Variants in TMEM178B observed in about 807,000 individuals in gnomAD.
The protein encoded by TMEM178B is transmembrane protein 178B.
TMEM178B carries 5 observed loss-of-function variants against 31.0 expected under a neutral mutation model. The ratio of observed to expected loss-of-function variants is 0.16; its 90% CI spans 0.08 to 0.34. TMEM178B has a LOEUF of 0.34. TMEM178B is among the 10% of genes least tolerant of loss of function. The probability of loss-of-function intolerance (pLI) is 1.00; values close to 1 mark genes in which losing one functional copy is unlikely to be tolerated. For missense variants in TMEM178B, 275 were observed against 400.3 expected (o/e 0.69, Z 2.67); for synonymous variants, 164 against 164.0 (o/e 1.00, Z 0.00).
intron 2 of TMEM178B, among the ~76,000 whole-genome samples, chr7:141,231,379 CA>C (rs1269377974): frequency 6.6e-6 from 1 of 151,284 alleles, no homozygotes; most frequent in East Asian, 1.9e-4. Flanking sequence ...GCAATTTGTA[CA>C]AAAATGTAAT....
intron 2 of TMEM178B, among the ~76,000 whole-genome samples, chr7:141,272,920 C>T (rs1304330529): frequency 6.6e-6 from 1 of 152,184 alleles, no homozygotes; most frequent in Non-Finnish European, 1.5e-5. Context: ...ATCCACACTT[C>T]CATTTTTATT....
intron 2 of TMEM178B, among the ~76,000 whole-genome samples, chr7:141,290,974 T>A (rs557359589): frequency 3.1e-4 from 47 of 152,310 alleles, no homozygotes; most frequent in African/African-American, 1.1e-3. Context: ...GCTGGCTGGC[T>A]CTTCCTTGAT....
At chr7:141,448,557 C>A (rs1801803617) in intron 3 of TMEM178B, among the ~76,000 whole-genome samples, 1 of 152,124 alleles carries the variant, frequency 6.6e-6, no homozygotes, top group South Asian at 2.1e-4. Context: ...CAGGACAGTC[C>A]CAGAAGTGTA....
intron 2 of TMEM178B, among the ~76,000 whole-genome samples, chr7:141,275,689 A>G (rs1200985593): frequency 1.3e-5 from 2 of 151,748 alleles, no homozygotes; most frequent in Non-Finnish European, 2.9e-5. Context: ...CCTTCTGGAT[A>G]TAAGACTATG....
intron 1 of TMEM178B, among the ~76,000 whole-genome samples, chr7:141,129,584 A>G (rs924201183): frequency 6.6e-6 from 1 of 152,144 alleles, no homozygotes; most frequent in South Asian, 2.1e-4. Flanking sequence ...TTCTATTATC[A>G]TAGGTTGGTT....
At chr7:141,323,620 T>G (rs1799138646) in intron 2 of TMEM178B, among the ~76,000 whole-genome samples, 1 of 152,140 alleles carries the variant, frequency 6.6e-6, no homozygotes, top group Admixed American at 6.5e-5. Context: ...ACAGTTGGAG[T>G]GCCAAGTACT....
chr7:141,246,361 T>C (rs1260857679), intron 2 of TMEM178B, among the ~76,000 whole-genome samples: 1 of 152,236 alleles, frequency 6.6e-6, no homozygotes, highest in Non-Finnish European at 1.5e-5. Context: ...TTTTCATTCA[T>C]GATTTCAGCA....
intron 2 of TMEM178B, among the ~76,000 whole-genome samples, chr7:141,260,917 T>C (rs1798002713): frequency 6.6e-6 from 1 of 152,146 alleles, no homozygotes. Flanking sequence ...ATTACAGAAA[T>C]ATTATAGAGA....
intron 1 of TMEM178B, among the ~76,000 whole-genome samples, chr7:141,172,663 A>G (rs1796367073): frequency 6.6e-6 from 1 of 152,200 alleles, no homozygotes; most frequent in African/African-American, 2.4e-5. Flanking sequence ...TGAGGAGCAG[A>G]TATAGTGGGA....
At chr7:141,435,286 G>C (rs951511600) in intron 2 of TMEM178B, among the ~76,000 whole-genome samples, 2 of 152,226 alleles carry the variant, frequency 1.3e-5, no homozygotes, top group Non-Finnish European at 2.9e-5. Flanking sequence ...TATACATCCT[G>C]TTTAAGGAAG....
intron 2 of TMEM178B, among the ~76,000 whole-genome samples, chr7:141,428,651 G>A (rs1412565166): frequency 2.6e-5 from 4 of 152,090 alleles, no homozygotes; most frequent in Admixed American, 6.5e-5. Flanking sequence ...GTGGACAGCC[G>A]CTCCAAGGGA....
At chr7:141,321,892 G>A (rs918799270) in intron 2 of TMEM178B, among the ~76,000 whole-genome samples, 10 of 151,720 alleles carry the variant, frequency 6.6e-5, no homozygotes, top group African/African-American at 2.4e-4. Flanking sequence ...ACAGGACCCA[G>A]GAGGCTTGTA....
chr7:141,192,447 G>C (rs1388030445), intron 1 of TMEM178B, among the ~76,000 whole-genome samples: 2 of 151,866 alleles, frequency 1.3e-5, no homozygotes, highest in Non-Finnish European at 2.9e-5. Context: ...GCTACAACTT[G>C]GGTTGAGAGA....
At chr7:141,180,129 T>C (rs1164643896) in intron 1 of TMEM178B, among the ~76,000 whole-genome samples, 1 of 152,174 alleles carries the variant, frequency 6.6e-6, no homozygotes, top group Non-Finnish European at 1.5e-5. Flanking sequence ...TTATCATCGA[T>C]ATGTCAAAAT....
intron 2 of TMEM178B, among the ~76,000 whole-genome samples, chr7:141,331,616 A>G (rs1799301762): frequency 6.6e-6 from 1 of 152,220 alleles, no homozygotes; most frequent in African/African-American, 2.4e-5. Context: ...AAAAAATTGG[A>G]TATAATGACC....
intron 2 of TMEM178B, among the ~76,000 whole-genome samples, chr7:141,235,323 C>G (rs1032462078): frequency 6.6e-6 from 1 of 152,134 alleles, no homozygotes; most frequent in African/African-American, 2.4e-5. Flanking sequence ...TTGCAGTGTA[C>G]ACAGCAGGCT....
chr7:141,341,589 G>C (rs1003566738), intron 2 of TMEM178B, among the ~76,000 whole-genome samples: 5 of 152,176 alleles, frequency 3.3e-5, no homozygotes, highest in African/African-American at 1.2e-4. Context: ...ACCATCTTCT[G>C]ACTGTTTTTC....
chr7:141,332,919 C>G (rs1405070538), intron 2 of TMEM178B, among the ~76,000 whole-genome samples: 1 of 152,192 alleles, frequency 6.6e-6, no homozygotes, highest in African/African-American at 2.4e-5. Flanking sequence ...TGCTGGATGG[C>G]ATAGTTTTAG....
In TMEM178B at chr7:141,344,593, TTC is replaced by T. The variant is rs1799581503; in HGVS notation, c.497-93014_497-93013del. On this transcript the variant is annotated intron_variant, in intron 2 of 3. Transcript: ENST00000565468. The surrounding 1 kb of genome is among the most constrained non-coding windows in gnomAD (Gnocchi z 4.1). ...CCTCCTCCCTTCCTTCCTTCCTTCC[TTC>T]CTTCCTTCCTTCCTTCCTTCCTTCC... 7.6e-6 allele frequency among the ~76,000 whole-genome samples: 1 copy of T among 131,334 alleles called. No homozygotes were observed. The highest frequency in any genetic ancestry group is 1.7e-5 in the Non-Finnish European group (1 of 59,702). 86.2% of individuals were successfully genotyped at this position (131,334 alleles called of 152,430 possible).
Sources: allele counts gnomAD v4.1 joint callset (sites outside exome capture counted in the v4.1 genomes callset), GRCh38; gene constraint gnomAD v4.1.1; non-coding constraint Gnocchi (gnomAD v3.1); transcripts MANE v1.5; gene names NCBI Gene and HGNC (gene_info 2026-07-23, HGNC 2026-07-21).